CHCHD3: variants seen among roughly 807,000 people sequenced by gnomAD.
CHCHD3 encodes the protein coiled-coil-helix-coiled-coil-helix domain containing 3.
A neutral mutation model predicts 38.2 loss-of-function variants in CHCHD3; 20 were observed. The ratio of observed to expected loss-of-function variants is 0.52; its 90% CI spans 0.37 to 0.76. The LOEUF is 0.76. Ranked by LOEUF, CHCHD3 falls within the 30% of genes least tolerant of loss-of-function variation. The pLI, the probability that CHCHD3 is intolerant of heterozygous loss-of-function variation, is 0.00. For synonymous variants in CHCHD3, 82 were observed against 100.0 expected, an observed-to-expected ratio of 0.82 and a Z score of 1.07; for missense variants, 245 against 279.2, an observed-to-expected ratio of 0.88 and a Z score of 0.87.
At chr7:132,812,778 G>A (rs900484944) in intron 6 of CHCHD3, among the ~76,000 whole-genome samples, 1 of 152,092 alleles carries the variant, frequency 6.6e-6, no homozygotes, top group African/African-American at 2.4e-5. Context: ...TAGTGATTAT[G>A]ACCTACTAGG....
At chr7:133,060,025 T>C (rs1041556154) in intron 2 of CHCHD3, among the ~76,000 whole-genome samples, 2 of 152,174 alleles carry the variant, frequency 1.3e-5, no homozygotes, top group Admixed American at 6.5e-5. Context: ...AAGTACATAC[T>C]ATTACAAGGA....
chr7:132,939,450 T>C (rs1026532903), intron 4 of CHCHD3, among the ~76,000 whole-genome samples: 1 of 152,166 alleles, frequency 6.6e-6, no homozygotes, highest in African/African-American at 2.4e-5. Flanking sequence ...ACCATTGTGT[T>C]ATAATTGTAT....
At chr7:133,000,865 AAGTGTTTAAT>A (rs1219235514) in intron 3 of CHCHD3, among the ~76,000 whole-genome samples, 2 of 152,164 alleles carry the variant, frequency 1.3e-5, no homozygotes, top group Non-Finnish European at 2.9e-5. Context: ...ACCACACTTC[AAGTGTTTAAT>A]AGTCACCTGT....
At chr7:133,049,121 A>C (rs921827051) in intron 2 of CHCHD3, among the ~76,000 whole-genome samples, 2 of 152,232 alleles carry the variant, frequency 1.3e-5, no homozygotes, top group Non-Finnish European at 2.9e-5. Context: ...CATTCTCTCT[A>C]TACAAACATA....
intron 2 of CHCHD3, among the ~76,000 whole-genome samples, chr7:133,053,681 T>C (rs1814232382): frequency 6.6e-6 from 1 of 152,150 alleles, no homozygotes; most frequent in South Asian, 2.1e-4. Context: ...TTGGCAATTA[T>C]ATGAAAAAGA....
At chr7:132,898,890 G>A (rs1809589328) in intron 4 of CHCHD3, among the ~76,000 whole-genome samples, 1 of 152,216 alleles carries the variant, frequency 6.6e-6, no homozygotes, top group Non-Finnish European at 1.5e-5. Context: ...GGGCCGGCCG[G>A]CTGCTCCGAG....
chr7:132,838,511 T>C, intron 5 of CHCHD3, 42 bp from the exon 6 acceptor site: 4 of 1,391,882 alleles, frequency 2.9e-6, no homozygotes, highest in Non-Finnish European at 3.0e-6. Flanking sequence ...CTATCCAAGA[T>C]GACAAAATGT....
intron 3 of CHCHD3, among the ~76,000 whole-genome samples, chr7:133,009,590 A>G (rs1186872912): frequency 6.6e-6 from 1 of 151,914 alleles, no homozygotes. Context: ...ATGTTTCAAG[A>G]TACAAATCCA....
Position 133,035,455 on chromosome 7 carries a change from G to T in CHCHD3, c.170-10828C>A, listed in dbSNP as rs1234433484. The T allele has an allele frequency of 1.9e-6, 3 of 1,613,514 alleles. No homozygotes were observed. In the South Asian group the frequency reaches 3.3e-5, roughly 18 times the overall value. On this transcript the variant is annotated intron_variant, in intron 2 of 7. Transcript: ENST00000262570. This position sits in a 1 kb window ranked among gnomAD's most constrained non-coding sequence, Gnocchi z 4.7. ...ACTGTGATGTCAGCCAATGTCACTC[G>T]TTCGCCCACCAGAAAAGTCCTCGTC...
chr7:133,054,218 CA>C (rs2117506702), intron 2 of CHCHD3, among the ~76,000 whole-genome samples: 1 of 152,270 alleles, frequency 6.6e-6, no homozygotes, highest in African/African-American at 2.4e-5. Context: ...TCCATGAAGA[CA>C]AACTTCTTCA....
At chr7:132,946,460 T>C (rs959859894) in intron 4 of CHCHD3, among the ~76,000 whole-genome samples, 5 of 151,830 alleles carry the variant, frequency 3.3e-5, no homozygotes, top group African/African-American at 1.2e-4. Context: ...GCTCAAGATC[T>C]GAGTTAAAAC....
chr7:133,003,480 T>C (rs750429686), intron 3 of CHCHD3, among the ~76,000 whole-genome samples: 22 of 152,314 alleles, frequency 1.4e-4, no homozygotes, highest in Non-Finnish European at 3.1e-4. Flanking sequence ...TTTATCTGTA[T>C]GAGACACAGA....
At chr7:132,857,296 A>T (rs957207943) in intron 5 of CHCHD3, among the ~76,000 whole-genome samples, 15 of 152,190 alleles carry the variant, frequency 9.9e-5, no homozygotes. Context: ...AGGTCATCAA[A>T]TCCTTTCCCA....
At chr7:133,053,006 A>G (rs1461110309) in intron 2 of CHCHD3, among the ~76,000 whole-genome samples, 1 of 152,226 alleles carries the variant, frequency 6.6e-6, no homozygotes, top group Non-Finnish European at 1.5e-5. Flanking sequence ...TTTGTTCCAT[A>G]ATGGGAATTG....
chr7:132,847,756 A>G (rs1275236956), intron 5 of CHCHD3, among the ~76,000 whole-genome samples: 2 of 152,222 alleles, frequency 1.3e-5, no homozygotes, highest in Non-Finnish European at 2.9e-5. Context: ...TATTCGTGCA[A>G]TATTTTCTCA....
At chr7:132,826,605 C>T (rs548133134) in intron 6 of CHCHD3, among the ~76,000 whole-genome samples, 6 of 152,292 alleles carry the variant, frequency 3.9e-5, no homozygotes, top group Non-Finnish European at 8.8e-5. Context: ...TAATTTAAGG[C>T]AGGCATGTGA....
intron 3 of CHCHD3, among the ~76,000 whole-genome samples, chr7:133,004,379 C>G (rs1443387512): frequency 6.6e-6 from 1 of 152,146 alleles, no homozygotes; most frequent in African/African-American, 2.4e-5. Flanking sequence ...GAGGAGCATA[C>G]CAGAGTGGCT....
At position 132,893,319 on chromosome 7, in the gene CHCHD3, CCTT is replaced by C. The variant is rs1361991305; in HGVS notation, c.370-7577_370-7575del. On this transcript the variant is annotated intron_variant, in intron 4 of 7. Transcript: ENST00000262570. The stretch of plus-strand genomic sequence containing the variant: ...CAGACTTGCGTGGGGCCTGTAGCCT[CCTT>C]ATTTTGGCCAATTTCTCTGATTTGG... Among the ~76,000 whole-genome samples the C allele has an allele frequency of 5.3e-5, 8 of 152,272 alleles. No individual in the cohort carries two copies. In the East Asian group the frequency reaches 1.5e-3, roughly 29 times the overall value.
At chr7:132,896,333 T>TAACCA (rs1270483747) in intron 4 of CHCHD3, among the ~76,000 whole-genome samples, 19 of 152,372 alleles carry the variant, frequency 1.2e-4, no homozygotes, top group African/African-American at 4.6e-4. Context: ...TGGTTCTGGT[T>TAACCA]GTTTAACATT....
Sources: allele counts gnomAD v4.1 joint callset (sites outside exome capture counted in the v4.1 genomes callset), GRCh38; gene constraint gnomAD v4.1.1; non-coding constraint Gnocchi (gnomAD v3.1); transcripts MANE v1.5; gene names NCBI Gene and HGNC (gene_info 2026-07-23, HGNC 2026-07-21).